Variants in HIBADH observed in about 807,000 individuals in gnomAD.
HIBADH encodes 3-hydroxyisobutyrate dehydrogenase, also known as 3-hydroxyisobutyrate dehydrogenase, mitochondrial.
A neutral mutation model predicts 36.1 loss-of-function variants in HIBADH; 25 were observed. The ratio of observed to expected loss-of-function variants is 0.69; its 90% CI spans 0.50 to 0.97. HIBADH has a LOEUF of 0.97. HIBADH is among the 50% of genes least tolerant of loss of function. The pLI is 0.00. For synonymous variants in HIBADH, 160 were observed against 149.5 expected, an observed-to-expected ratio of 1.07 and a Z score of -0.51; for missense variants, 421 against 418.0, an observed-to-expected ratio of 1.01 and a Z score of -0.06.
intron 6 of HIBADH, among the ~76,000 whole-genome samples, chr7:27,535,885 T>C (rs1289591751): frequency 3.3e-5 from 5 of 152,056 alleles, no homozygotes; most frequent in Non-Finnish European, 5.9e-5. Context: ...AGGGGAACAG[T>C]GTTCCAGAAA....
At chr7:27,556,677 T>C (rs1784392740) in intron 4 of HIBADH, among the ~76,000 whole-genome samples, 1 of 152,192 alleles carries the variant, frequency 6.6e-6, no homozygotes, top group Non-Finnish European at 1.5e-5. Context: ...TCCCCACTGA[T>C]CTGATTGCCT....
chr7:27,565,106 T>C (rs1433021650), intron 4 of HIBADH, among the ~76,000 whole-genome samples: 1 of 152,086 alleles, frequency 6.6e-6, no homozygotes, highest in Non-Finnish European at 1.5e-5. Context: ...ATAGAGCTCT[T>C]ATGCTCCAAG....
At chr7:27,638,001 A>T (rs1422673917) in intron 2 of HIBADH, among the ~76,000 whole-genome samples, 1 of 152,230 alleles carries the variant, frequency 6.6e-6, no homozygotes, top group Non-Finnish European at 1.5e-5. Flanking sequence ...CATATTGCCC[A>T]AAGCAATTTA....
intron 1 of HIBADH, among the ~76,000 whole-genome samples, chr7:27,656,820 G>A (rs1786316521): frequency 6.6e-6 from 1 of 152,194 alleles, no homozygotes; most frequent in Admixed American, 6.5e-5. Context: ...AACTAGGTAA[G>A]TTTCATCAAA....
intron 4 of HIBADH, among the ~76,000 whole-genome samples, chr7:27,586,336 A>C (rs915105213): frequency 1.4e-5 from 2 of 142,358 alleles, no homozygotes; most frequent in Admixed American, 7.0e-5. Context: ...AATGTGGAAA[A>C]AAAGAAAGAG....
chr7:27,639,310 C>T (rs1265742684), intron 2 of HIBADH, among the ~76,000 whole-genome samples: 3 of 152,072 alleles, frequency 2.0e-5, no homozygotes, highest in African/African-American at 7.2e-5. Flanking sequence ...GAGCTGGAGG[C>T]CATTATCCTA....
At chr7:27,644,720 G>A (rs1360790806) in intron 2 of HIBADH, among the ~76,000 whole-genome samples, 4 of 150,982 alleles carry the variant, frequency 2.6e-5, no homozygotes, top group African/African-American at 7.3e-5. Context: ...GGCCAAGATC[G>A]CACCACTGCA....
chr7:27,622,484 C>T lies in HIBADH; in HGVS notation c.484+6887G>A, dbSNP rs559275322. On this transcript the variant is annotated intron_variant, in intron 4 of 7. Coordinates refer to ENST00000265395, the MANE Select transcript of HIBADH (RefSeq NM_152740.4). Reference sequence around the variant, plus strand: ...GAGACTTAAAAATACAAAGGATCAACAAAACAAAAATTTGGCTCTTCAAAA... The same window carrying T: ...GAGACTTAAAAATACAAAGGATCAATAAAACAAAAATTTGGCTCTTCAAAA... 5.3e-5 allele frequency among the ~76,000 whole-genome samples: 8 copies of T among 151,772 alleles called. No individual in the cohort carries two copies. In the East Asian group the frequency reaches 1.4e-3, roughly 26 times the overall value.
intron 4 of HIBADH, among the ~76,000 whole-genome samples, chr7:27,567,664 T>C (rs970424668): frequency 4.0e-5 from 6 of 150,890 alleles, no homozygotes; most frequent in Non-Finnish European, 7.4e-5. Context: ...CGTGCACACG[T>C]GTGTGACTGA....
In HIBADH at chr7:27,597,515, T is replaced by C. The variant is rs1785051354; in HGVS notation, c.484+31856A>G. On this transcript the variant is annotated intron_variant, in intron 4 of 7. Transcript: ENST00000265395. ...TATTTTCAGGCTTAGAATAATGTGC[T>C]GGGTACAGAGGCTACACCACTATAA... Among the ~76,000 whole-genome samples, 3 of 151,632 alleles carry C rather than the reference T, an allele frequency of 2.0e-5. No homozygotes were observed. In the South Asian group the frequency reaches 6.2e-4, roughly 31 times the overall value.
At chr7:27,658,533 C>CT (rs1401973632) in intron 1 of HIBADH, among the ~76,000 whole-genome samples, 11 of 152,136 alleles carry the variant, frequency 7.2e-5, no homozygotes, top group Non-Finnish European at 1.5e-4. Flanking sequence ...GCAGGTTTCA[C>CT]TAAGTGTCAA....
chr7:27,644,293 G>A (rs930879881), intron 2 of HIBADH, among the ~76,000 whole-genome samples: 6 of 151,648 alleles, frequency 4.0e-5, no homozygotes, highest in African/African-American at 9.7e-5. Context: ...GTGAAACCCC[G>A]TCTCTACTAA....
intron 6 of HIBADH, among the ~76,000 whole-genome samples, chr7:27,535,600 T>C (rs1308613401): frequency 1.3e-5 from 2 of 152,108 alleles, no homozygotes; most frequent in Non-Finnish European, 2.9e-5. Context: ...TTCTATGTGA[T>C]ACACAGGAAC....
At chr7:27,611,024 G>C (rs138011800) in intron 4 of HIBADH, among the ~76,000 whole-genome samples, 49 of 152,240 alleles carry the variant, frequency 3.2e-4, no homozygotes, top group African/African-American at 1.0e-3. Context: ...TTCTTAATAG[G>C]TTTTGTGCTT....
chr7:27,575,164 T>G (rs1784689309), intron 4 of HIBADH, among the ~76,000 whole-genome samples: 1 of 152,174 alleles, frequency 6.6e-6, no homozygotes, highest in Non-Finnish European at 1.5e-5. Flanking sequence ...AATTGGAAAT[T>G]TTAGCACTCT....
intron 4 of HIBADH, among the ~76,000 whole-genome samples, chr7:27,557,389 C>T (rs1583568132): frequency 6.6e-6 from 1 of 152,118 alleles, no homozygotes; most frequent in East Asian, 1.9e-4. Flanking sequence ...TTGTTAAGTA[C>T]TATTCTAGAC....
At chr7:27,581,878 T>G (rs1784798433) in intron 4 of HIBADH, among the ~76,000 whole-genome samples, 1 of 152,024 alleles carries the variant, frequency 6.6e-6, no homozygotes, top group South Asian at 2.1e-4. Context: ...GGATTTAGCT[T>G]CTTGTGTTTT....
intron 1 of HIBADH, among the ~76,000 whole-genome samples, chr7:27,659,002 T>G (rs558762578): frequency 6.6e-6 from 1 of 152,340 alleles, no homozygotes; most frequent in South Asian, 2.1e-4. Flanking sequence ...CAGAACTTCA[T>G]GTGCAGCCCT....
chr7:27,580,211 C>T (rs1471648132), intron 4 of HIBADH, among the ~76,000 whole-genome samples: 1 of 152,032 alleles, frequency 6.6e-6, no homozygotes, highest in East Asian at 1.9e-4. Flanking sequence ...AGAATCATGC[C>T]CAGATTCACT....
Sources: gnomAD v4.1 joint callset for allele counts (sites outside exome capture counted in the v4.1 genomes callset) on GRCh38, gnomAD v4.1.1 for gene constraint, MANE v1.5 for transcripts, NCBI Gene and HGNC (gene_info 2026-07-23, HGNC 2026-07-21) for gene names.